Variants in PDZRN3 observed in about 807,000 individuals in gnomAD.
The protein encoded by PDZRN3 is PDZ domain containing ring finger 3, also known as E3 ubiquitin-protein ligase PDZRN3.
PDZRN3 carries 38 observed loss-of-function variants against 85.7 expected under a neutral mutation model. That is an observed-to-expected ratio of 0.44 (90% CI 0.34 to 0.58). PDZRN3 has a LOEUF of 0.58. Ranked by LOEUF, PDZRN3 falls within the 20% of genes least tolerant of loss-of-function variation. PDZRN3 has a pLI of 0.01. For missense variants in PDZRN3, 1,629 were observed against 1,506.4 expected, an observed-to-expected ratio of 1.08 and a Z score of -1.35; for synonymous variants, 759 against 638.0, an observed-to-expected ratio of 1.19 and a Z score of -2.86.
chr3:73,468,333 C>T (rs1025331372), intron 3 of PDZRN3, among the ~76,000 whole-genome samples: 3 of 152,094 alleles, frequency 2.0e-5, no homozygotes, highest in African/African-American at 7.2e-5. Context: ...ATGTTCACAC[C>T]TTGATTATAG....
intron 3 of PDZRN3, among the ~76,000 whole-genome samples, chr3:73,548,089 G>A (rs1173159184): frequency 6.6e-6 from 1 of 152,144 alleles, no homozygotes; most frequent in Non-Finnish European, 1.5e-5. Context: ...TTAAAGCGGG[G>A]GAAGCTTCAG....
chr3:73,383,293 G>C lies in PDZRN3; in HGVS notation c.*72C>G, dbSNP rs1025106167. 2 of 1,392,338 alleles carry C rather than the reference G, an allele frequency of 1.4e-6. No homozygotes were observed. The highest frequency in any genetic ancestry group is 2.0e-6 in the Non-Finnish European group (2 of 1,018,640). The allele number at this position is 1,392,338 out of a possible 1,614,324, so 86.2% of individuals were successfully genotyped here. On this transcript the variant is annotated 3_prime_UTR_variant, in exon 10 of 10. Coordinates refer to ENST00000263666, the MANE Select transcript of PDZRN3 (RefSeq NM_015009.3). ...CTTATCTTATATACAAAAACTTGCCGCATTGAACGAGGCAGGAATTTCTAC... is the reference window on the plus strand; with the variant it reads ...CTTATCTTATATACAAAAACTTGCCCCATTGAACGAGGCAGGAATTTCTAC...
Position 73,558,050 on chromosome 3 carries a change from TA to T in PDZRN3, c.918+44303del, listed in dbSNP as rs539495549. On this transcript the variant is annotated intron_variant, in intron 3 of 9. Transcript: ENST00000263666. ...AATGAAAATGCATAATTTTTACATT[TA>T]AAAAGTTTATATCTTTAATATATGT... is the stretch of plus-strand genomic sequence containing the variant. Among the ~76,000 whole-genome samples the T allele has an allele frequency of 3.1e-3, 470 of 152,250 alleles. 5 individuals carry two copies. Among genetic ancestry groups the T allele is most frequent in the African/African-American group, 0.011 (449 of 41,574 alleles).
At position 73,410,910 on chromosome 3, in the gene PDZRN3, T is replaced by C. The variant is rs953734875; in HGVS notation, c.919-6515A>G. 3.3e-5 allele frequency among the ~76,000 whole-genome samples: 5 copies of C among 152,208 alleles called. No homozygotes were observed. The East Asian group carries it at 5.8e-4, about 18-fold the overall frequency. The stretch of plus-strand genomic sequence containing the variant: ...AATCGAAAAATTAACATGTACATTT[T>C]TGCATCACCTTACAGGTGATAATTT... On this transcript the variant is annotated intron_variant, in intron 3 of 9. Coordinates refer to ENST00000263666, the MANE Select transcript of PDZRN3 (RefSeq NM_015009.3).
At chr3:73,563,009 ATATATTTTTTTTT>A (rs1248317827) in intron 3 of PDZRN3, among the ~76,000 whole-genome samples, 3 of 39,672 alleles carry the variant, frequency 7.6e-5, no homozygotes, top group African/African-American at 3.4e-4. Flanking sequence ...ATATATATAT[ATATATTTTTTTTT>A]TTTTTTTTTT....
In PDZRN3 at chr3:73,384,624, C is replaced by T; in HGVS notation, c.1942G>A (p.Glu648Lys). The change falls in exon 10 of 10, where the codon GAG (glutamate) becomes AAG (lysine). Residue 648 changes from glutamate to lysine, a missense_variant. By Grantham distance (56) the Glu-to-Lys change is moderately conservative. Transcript: ENST00000263666. ...ACCTGGCACTTGAGCTCCAGGAGCT[C>T]GCGGAAGCGCTCGCACTCGTCCACC... is the stretch of plus-strand genomic sequence containing the variant. ...IPVDECERFR[E>K]LLELKCQVKS... is the part of the protein sequence containing the mutation. 2 of 1,613,830 alleles carry T rather than the reference C, an allele frequency of 1.2e-6. No homozygotes were observed. Among genetic ancestry groups the T allele is most frequent in the Non-Finnish European group, 1.7e-6 (2 of 1,180,032 alleles).
chr3:73,606,060 CA>C (rs1702595462), intron 2 of PDZRN3, among the ~76,000 whole-genome samples: 1 of 152,238 alleles, frequency 6.6e-6, no homozygotes, highest in African/African-American at 2.4e-5. Context: ...GGCTTTAACA[CA>C]GTAGGTTTCC....
chr3:73,492,898 T>C (rs1703797292), intron 3 of PDZRN3, among the ~76,000 whole-genome samples: 1 of 151,944 alleles, frequency 6.6e-6, no homozygotes, highest in East Asian at 1.9e-4. Context: ...CATAAATATG[T>C]ACAATTATTA....
At chr3:73,485,623 G>C (rs1249475662) in intron 3 of PDZRN3, among the ~76,000 whole-genome samples, 1 of 152,150 alleles carries the variant, frequency 6.6e-6, no homozygotes, top group Non-Finnish European at 1.5e-5. Flanking sequence ...ACAACTTTCT[G>C]AATGAGATCT....
In PDZRN3 at chr3:73,485,468, TA is replaced by T. The variant is rs749332640; in HGVS notation, c.919-81074del. On this transcript the variant is annotated intron_variant, in intron 3 of 9. Transcript: ENST00000263666. ...TTTTCAGTGGTTTAGAGCTTGCTCCTAATTCAGATTCTTCGTGGTTGAAGTA... is the reference window on the plus strand; with the variant it reads ...TTTTCAGTGGTTTAGAGCTTGCTCCTATTCAGATTCTTCGTGGTTGAAGTA... 2.8e-3 allele frequency among the ~76,000 whole-genome samples: 422 copies of T among 152,296 alleles called. 1 individual carries two copies. Among genetic ancestry groups the T allele is most frequent in the Non-Finnish European group, 3.6e-3 (242 of 68,016 alleles).
At chr3:73,574,836 C>A (rs749809885) in intron 3 of PDZRN3, among the ~76,000 whole-genome samples, 10 of 152,232 alleles carry the variant, frequency 6.6e-5, no homozygotes, top group Non-Finnish European at 1.2e-4. Context: ...CCCCCCTCAT[C>A]TAGCCCCTTT....
At chr3:73,517,945 A>G (rs1052029752) in intron 3 of PDZRN3, among the ~76,000 whole-genome samples, 1 of 152,222 alleles carries the variant, frequency 6.6e-6, no homozygotes, top group Non-Finnish European at 1.5e-5. Flanking sequence ...TGAAAAGAGT[A>G]TGGCCATCCT....
chr3:73,447,075 T>TATATATATTAG (rs1464906075), intron 3 of PDZRN3, among the ~76,000 whole-genome samples: 3 of 147,666 alleles, frequency 2.0e-5, no homozygotes, highest in African/African-American at 7.4e-5. Context: ...GCAATATATA[T>TATATATATTAG]ATATATATAT....
chr3:73,467,207 CCA>C (rs1231135899), intron 3 of PDZRN3, among the ~76,000 whole-genome samples: 2 of 152,128 alleles, frequency 1.3e-5, no homozygotes. Flanking sequence ...CGCAGTAAAG[CCA>C]CAGAGTCAGG....
intron 3 of PDZRN3, among the ~76,000 whole-genome samples, chr3:73,579,088 A>T (rs1182102855): frequency 1.3e-5 from 2 of 152,090 alleles, no homozygotes; most frequent in Admixed American, 1.3e-4. Context: ...TAGTACTAAG[A>T]GGTGGGGTCT....
intron 3 of PDZRN3, among the ~76,000 whole-genome samples, chr3:73,516,790 T>C (rs990799191): frequency 3.6e-5 from 5 of 140,324 alleles, no homozygotes; most frequent in Non-Finnish European, 6.6e-5. Flanking sequence ...ACGTTTACAC[T>C]TGTTACAGGA....
chr3:73,435,230 G>A (rs1425001999), intron 3 of PDZRN3, among the ~76,000 whole-genome samples: 1 of 152,124 alleles, frequency 6.6e-6, no homozygotes, highest in African/African-American at 2.4e-5. Flanking sequence ...CTCAGACACC[G>A]AAGACGAGGC....
At chr3:73,388,093 G>A in intron 7 of PDZRN3, 24 bp from the exon 8 acceptor site, 1 of 1,045,978 alleles carries the variant, frequency 9.6e-7, no homozygotes, top group Non-Finnish European at 1.4e-6. Flanking sequence ...AGGGGGGGTG[G>A]GGAGAGTGGG....
chr3:73,609,669 A>T (rs113144736), intron 1 of PDZRN3, among the ~76,000 whole-genome samples: 1 of 152,228 alleles, frequency 6.6e-6, no homozygotes, highest in African/African-American at 2.4e-5. Flanking sequence ...TTTTAAATAT[A>T]AAATATTTAA....
Sources: allele counts gnomAD v4.1 joint callset (sites outside exome capture counted in the v4.1 genomes callset), GRCh38; gene constraint gnomAD v4.1.1; transcripts MANE v1.5; gene names NCBI Gene and HGNC (gene_info 2026-07-23, HGNC 2026-07-21).